The following TMEM123 variants were observed in gnomAD, a reference collection of about 807,000 sequenced individuals.
TMEM123 encodes transmembrane protein 123, also known as porimin.
Under a neutral mutation model 19.7 loss-of-function variants are expected in TMEM123, and 16 were observed. The observed-to-expected ratio is 0.81, with a 90% CI of 0.55 to 1.23. The LOEUF is 1.23. Among genes scored for constraint, TMEM123 ranks in the 50% most tolerant of loss-of-function variants. The pLI is 0.00. For missense variants in TMEM123, 313 were observed against 257.8 expected (o/e 1.21, Z -1.47); for synonymous variants, 118 against 99.4 (o/e 1.19, Z -1.12).
intron 2 of TMEM123, among the ~76,000 whole-genome samples, chr11:102,445,022 G>A (rs1236247208): frequency 6.6e-6 from 1 of 151,988 alleles, no homozygotes; most frequent in East Asian, 1.9e-4. Flanking sequence ...CCTGTCGTGG[G>A]GTGGGGGGAA....
chr11:102,431,544 T>A (rs1857709713), intron 2 of TMEM123, among the ~76,000 whole-genome samples: 1 of 152,240 alleles, frequency 6.6e-6, no homozygotes, highest in Non-Finnish European at 1.5e-5. Context: ...TCTCCCCTTT[T>A]TCCCCACCCT....
At chr11:102,439,267 G>C (rs1857798635) in intron 2 of TMEM123, among the ~76,000 whole-genome samples, 1 of 152,168 alleles carries the variant, frequency 6.6e-6, no homozygotes, top group Admixed American at 6.5e-5. Flanking sequence ...CACAGAGTTT[G>C]AGATCTGAGA....
At chr11:102,438,146 C>A (rs1008221149) in intron 2 of TMEM123, among the ~76,000 whole-genome samples, 3 of 152,114 alleles carry the variant, frequency 2.0e-5, no homozygotes, top group East Asian at 3.9e-4. Context: ...CTCTGCCACC[C>A]GGGATCATGC....
intron 2 of TMEM123, among the ~76,000 whole-genome samples, chr11:102,447,800 C>A (rs889911233): frequency 2.0e-5 from 3 of 152,086 alleles, no homozygotes; most frequent in Non-Finnish European, 4.4e-5. Flanking sequence ...TACGTACCAC[C>A]AGACACCAGT....
intron 4 of TMEM123, among the ~76,000 whole-genome samples, chr11:102,399,667 CTT>C (rs1381100908): frequency 1.3e-5 from 2 of 152,156 alleles, no homozygotes; most frequent in East Asian, 1.9e-4. Flanking sequence ...TTAAATATAA[CTT>C]TTAAAAATAT....
intron 2 of TMEM123, among the ~76,000 whole-genome samples, chr11:102,440,307 G>A (rs980799944): frequency 2.6e-5 from 4 of 152,172 alleles, no homozygotes; most frequent in African/African-American, 9.7e-5. Context: ...GAGAAAGGTT[G>A]GGTTATCCAC....
chr11:102,397,473 G>GA lies in TMEM123; in HGVS notation c.*1393dup, dbSNP rs975734175. Reference sequence around the variant, plus strand: ...ACTTGACCCTGAGTTTTGAGTGCTGGAATATAAACTGTAAAATGGAAAACA... The same window carrying GA: ...ACTTGACCCTGAGTTTTGAGTGCTGGAAATATAAACTGTAAAATGGAAAACA... On this transcript the variant is annotated 3_prime_UTR_variant, in exon 5 of 5. Coordinates refer to ENST00000398136, the MANE Select transcript of TMEM123 (RefSeq NM_052932.3). 2 of 152,100 alleles carry GA rather than the reference G, an allele frequency of 1.3e-5. No homozygotes were observed. Among genetic ancestry groups the GA allele is most frequent in the Non-Finnish European group, 2.9e-5 (2 of 68,016 alleles). 9.4% of individuals were successfully genotyped at this position (152,100 alleles called of 1,614,324 possible).
intron 2 of TMEM123, among the ~76,000 whole-genome samples, chr11:102,427,140 C>G (rs1952135678): frequency 6.6e-6 from 1 of 151,218 alleles, no homozygotes; most frequent in Non-Finnish European, 1.5e-5. Flanking sequence ...TATCTTTATC[C>G]TCCATATCTA....
At chr11:102,424,043 T>C (rs1173964538) in intron 2 of TMEM123, among the ~76,000 whole-genome samples, 1 of 152,190 alleles carries the variant, frequency 6.6e-6, no homozygotes, top group Non-Finnish European at 1.5e-5. Flanking sequence ...ACAAGTTCTA[T>C]TATGTGGTTT....
intron 2 of TMEM123, among the ~76,000 whole-genome samples, chr11:102,431,962 AT>A (rs1310995603): frequency 6.6e-6 from 1 of 152,172 alleles, no homozygotes; most frequent in African/African-American, 2.4e-5. Context: ...TTCTGCCATG[AT>A]TGTGAGTTTC....
intron 2 of TMEM123, among the ~76,000 whole-genome samples, chr11:102,438,219 A>T (rs1169550956): frequency 3.3e-5 from 5 of 151,886 alleles, no homozygotes; most frequent in Non-Finnish European, 7.4e-5. Context: ...CACCCAGCTA[A>T]TTTTTGTATT....
At chr11:102,447,900 C>T (rs149063547) in intron 2 of TMEM123, among the ~76,000 whole-genome samples, 6 of 152,306 alleles carry the variant, frequency 3.9e-5, no homozygotes, top group African/African-American at 9.6e-5. Context: ...GGAATAAAAA[C>T]TCCAGCAAGT....
rs1466546374 is a variant in TMEM123 at position 102,427,973 on chromosome 11, C to T, written c.157+20839G>A. 5.9e-5 allele frequency among the ~76,000 whole-genome samples: 9 copies of T among 152,012 alleles called. No homozygotes were observed. The South Asian group carries it at 6.2e-4, about 11-fold the overall frequency. On this transcript the variant is annotated intron_variant, in intron 2 of 4. Transcript: ENST00000398136. ...ATCTTATAAAAATTATCACAATAAT[C>T]TTCTGGCAAGACACTCTTCCTCAAT... is the stretch of plus-strand genomic sequence containing the variant.
intron 4 of TMEM123, among the ~76,000 whole-genome samples, 179 bp from the exon 5 acceptor site, chr11:102,399,070 G>C (rs1951887056): frequency 6.6e-6 from 1 of 152,190 alleles, no homozygotes; most frequent in African/African-American, 2.4e-5. Flanking sequence ...AGATCTGGGG[G>C]TTAATGGCAT....
At chr11:102,407,860 A>T (rs1951969431) in intron 2 of TMEM123, among the ~76,000 whole-genome samples, 1 of 152,178 alleles carries the variant, frequency 6.6e-6, no homozygotes. Flanking sequence ...TGTTTAAGCC[A>T]CCCAGTTTCT....
chr11:102,447,794 TA>T (rs1276373874), intron 2 of TMEM123, among the ~76,000 whole-genome samples: 2 of 152,200 alleles, frequency 1.3e-5, no homozygotes, highest in Admixed American at 6.5e-5. Context: ...CCTGACTACG[TA>T]CCACCAGACA....
chr11:102,435,004 T>A (rs1005089098), intron 2 of TMEM123, among the ~76,000 whole-genome samples: 7 of 151,842 alleles, frequency 4.6e-5, no homozygotes, highest in African/African-American at 1.7e-4. Context: ...GTGGTGGAAG[T>A]ACATTGAATA....
chr11:102,423,944 A>G (rs753079208), intron 2 of TMEM123, among the ~76,000 whole-genome samples: 2 of 152,230 alleles, frequency 1.3e-5, no homozygotes, highest in Admixed American at 1.3e-4. Context: ...AAAATATATA[A>G]AAGTTTTAAA....
chr11:102,425,565 T>A (rs1952119265), intron 2 of TMEM123, among the ~76,000 whole-genome samples: 1 of 151,474 alleles, frequency 6.6e-6, no homozygotes, highest in Admixed American at 6.6e-5. Context: ...CAGGATTGTT[T>A]TTTTTTTTTT....
Sources: gnomAD v4.1 joint callset for allele counts (sites outside exome capture counted in the v4.1 genomes callset) on GRCh38, gnomAD v4.1.1 for gene constraint, MANE v1.5 for transcripts, NCBI Gene and HGNC (gene_info 2026-07-23, HGNC 2026-07-21) for gene names.